Variants in XKR9 observed in about 807,000 individuals in gnomAD.
XKR9 encodes the protein XK-related protein 9.
XKR9 carries 32 observed loss-of-function variants against 32.0 expected under a neutral mutation model. The observed-to-expected ratio is 1.00, with a 90% CI of 0.76 to 1.34. The LOEUF (loss-of-function observed/expected upper bound fraction) is 1.34. Ranked by LOEUF, XKR9 falls within the 40% of genes most tolerant of loss-of-function variation. The pLI is 0.00. For missense variants in XKR9, 546 were observed against 429.7 expected (o/e 1.27, Z -2.39); for synonymous variants, 168 against 143.4 (o/e 1.17, Z -1.22).
At chr8:71,016,853 T>C in the XKR9 span, among the ~76,000 whole-genome samples, 1 of 151,924 alleles carries the variant, frequency 6.6e-6, no homozygotes, top group East Asian at 1.9e-4. Context: ...TTTTTTCTAG[T>C]CATACAACCA....
intron 2 of XKR9, among the ~76,000 whole-genome samples, chr8:70,765,294 G>A (rs1175052480): frequency 2.6e-5 from 4 of 152,254 alleles, no homozygotes; most frequent in South Asian, 2.1e-4. Flanking sequence ...TCTAACTGGC[G>A]TGAGATGGTA....
chr8:70,866,650 A>G, the XKR9 span, among the ~76,000 whole-genome samples: 1 of 149,888 alleles, frequency 6.7e-6, no homozygotes, highest in Non-Finnish European at 1.5e-5. Flanking sequence ...TGCCTGGCTA[A>G]TTTTTTTGAA....
the XKR9 span, among the ~76,000 whole-genome samples, chr8:70,974,530 A>G: frequency 2.0e-5 from 3 of 152,086 alleles, no homozygotes; most frequent in African/African-American, 7.2e-5. Flanking sequence ...GCTTAGAATG[A>G]TGGTTGCCAG....
intron 4 of XKR9, among the ~76,000 whole-genome samples, chr8:70,715,825 T>G (rs2132201917): frequency 6.6e-6 from 1 of 151,902 alleles, no homozygotes; most frequent in Middle Eastern, 3.4e-3. Context: ...TGGAAAACAT[T>G]TTTTTTTGAT....
chr8:70,811,744 G>C, the XKR9 span, among the ~76,000 whole-genome samples: 1 of 152,180 alleles, frequency 6.6e-6, no homozygotes, highest in Non-Finnish European at 1.5e-5. Context: ...AAACCAGGAA[G>C]AAGTTGAATC....
At chr8:70,844,103 A>G in the XKR9 span, among the ~76,000 whole-genome samples, 2 of 152,288 alleles carry the variant, frequency 1.3e-5, no homozygotes, top group East Asian at 3.9e-4. Flanking sequence ...GAGAGCTACA[A>G]CATGCTCTCT....
chr8:70,784,695 C>T (rs1158160937), intron 2 of XKR9, among the ~76,000 whole-genome samples: 1 of 151,828 alleles, frequency 6.6e-6, no homozygotes. Context: ...TTATTTCTTT[C>T]TCTTGCTTAA....
chr8:70,734,236 A>C lies in XKR9; in HGVS notation c.934A>C (p.Ile312Leu). 1 of 1,613,066 alleles carries C rather than the reference A, an allele frequency of 6.2e-7. No individual in the cohort carries two copies. Among genetic ancestry groups the C allele is most frequent in the Non-Finnish European group, 8.5e-7 (1 of 1,179,460 alleles). Residue 312 changes from isoleucine to leucine, a missense_variant, in exon 5 of 5, where the codon ATT becomes CTT. Coordinates refer to ENST00000408926, the MANE Select transcript of XKR9 (RefSeq NM_001011720.2). ...LTVFWVCPLTIFNPDYFIPIS... is the reference protein window; with the variant it reads ...LTVFWVCPLTLFNPDYFIPIS... ...TGTATTCTGGGTTTGCCCCCTCACT[A>C]TTTTTAATCCAGACTATTTTATACC...
intron 2 of XKR9, among the ~76,000 whole-genome samples, chr8:70,761,771 T>A (rs1586887905): frequency 6.6e-6 from 1 of 152,320 alleles, no homozygotes; most frequent in East Asian, 1.9e-4. Flanking sequence ...TCTTTGCCCA[T>A]GCCCATATCC....
the XKR9 span, among the ~76,000 whole-genome samples, chr8:70,891,030 A>G: frequency 6.6e-6 from 1 of 151,910 alleles, no homozygotes; most frequent in Admixed American, 6.6e-5. Flanking sequence ...GGCAGTTTGT[A>G]TGTGTCCAGA....
chr8:71,052,169 C>T, the XKR9 span, among the ~76,000 whole-genome samples: 8 of 152,162 alleles, frequency 5.3e-5, no homozygotes, highest in African/African-American at 1.7e-4. Context: ...TCAAAGAAAA[C>T]AGAGATTGCC....
downstream of XKR9, among the ~76,000 whole-genome samples, chr8:70,737,673 C>T (rs1356405961): frequency 5.2e-4 from 58 of 111,986 alleles, no homozygotes; most frequent in Non-Finnish European, 6.4e-4. Context: ...GAGTTTTTAG[C>T]ATGAAGCGTT....
chr8:70,707,247 C>A, intron 4 of XKR9, 94 bp downstream of exon 4: 2 of 887,256 alleles, frequency 2.3e-6, no homozygotes, highest in Non-Finnish European at 3.4e-6. Flanking sequence ...ATTTTTAATA[C>A]TTTAAAAATT....
At chr8:70,880,137 G>A in the XKR9 span, among the ~76,000 whole-genome samples, 6 of 152,040 alleles carry the variant, frequency 3.9e-5, no homozygotes, top group African/African-American at 1.4e-4. Context: ...AATAATAAGA[G>A]CTGTTTATGA....
intron 4 of XKR9, 100 bp from the exon 5 acceptor site, chr8:70,733,696 T>C: frequency 9.0e-7 from 1 of 1,112,812 alleles, no homozygotes; most frequent in South Asian, 2.3e-5. Context: ...TGTGACGTGT[T>C]TGTGGGTGTG....
At chr8:70,910,227 C>A in the XKR9 span, among the ~76,000 whole-genome samples, 2 of 152,096 alleles carry the variant, frequency 1.3e-5, no homozygotes, top group Non-Finnish European at 2.9e-5. Context: ...GGCACCTTTC[C>A]AGCTCCAGGC....
At chr8:70,809,574 A>G in the XKR9 span, among the ~76,000 whole-genome samples, 1 of 152,194 alleles carries the variant, frequency 6.6e-6, no homozygotes, top group Admixed American at 6.5e-5. Flanking sequence ...GCTAACTAGA[A>G]TAACCAATGC....
the XKR9 span, among the ~76,000 whole-genome samples, chr8:70,839,150 C>T: frequency 2.0e-5 from 3 of 151,910 alleles, no homozygotes; most frequent in Non-Finnish European, 4.4e-5. Context: ...GACCAATTTC[C>T]TTCTTATTAC....
chr8:70,755,460 G>A (rs537199413), intron 2 of XKR9, among the ~76,000 whole-genome samples: 53 of 152,192 alleles, frequency 3.5e-4, no homozygotes, highest in Non-Finnish European at 6.5e-4. Flanking sequence ...ACATGCACAC[G>A]TATGTTTATT....
Sources: gnomAD v4.1 joint callset for allele counts (sites outside exome capture counted in the v4.1 genomes callset) on GRCh38, gnomAD v4.1.1 for gene constraint, MANE v1.5 for transcripts, NCBI Gene and HGNC (gene_info 2026-07-23, HGNC 2026-07-21) for gene names.